Variants in SPEN observed in about 807,000 individuals in gnomAD.
SPEN encodes spen family transcriptional repressor.
SPEN carries 18 observed loss-of-function variants against 269.9 expected under a neutral mutation model. The observed-to-expected ratio is 0.07, with a 90% CI of 0.05 to 0.10. SPEN has a LOEUF of 0.10. Ranked by LOEUF, SPEN falls within the 10% of genes least tolerant of loss-of-function variation. The pLI is 1.00. For missense variants in SPEN, 3,822 were observed against 4,631.2 expected (o/e 0.83, Z 5.07); for synonymous variants, 1,726 against 1,765.7 (o/e 0.98, Z 0.56).
Position 15,936,113 on chromosome 1 carries a change from T to C in SPEN, c.9873T>C (p.His3291=). Residue 3291 remains histidine (H), a synonymous_variant, in exon 11 of 15, where the codon CAT becomes CAC. Coordinates refer to ENST00000375759, the MANE Select transcript of SPEN (RefSeq NM_015001.3). ...LPLTPPVVVT[H]GVQIVHSSGE... ...TGACCCCTCCTGTGGTGGTGACCCA[T>C]GGGGTGCAGATTGTGCACTCCAGCG... 6.2e-7 allele frequency: 1 copy of C among 1,611,400 alleles called. No individual in the cohort carries two copies.
intron 3 of SPEN, among the ~76,000 whole-genome samples, chr1:15,880,629 A>G (rs914432924): frequency 2.0e-5 from 3 of 151,180 alleles, no homozygotes; most frequent in Non-Finnish European, 4.4e-5. Context: ...TAATTTTTGT[A>G]TTTTTTAGTA....
chr1:15,888,308 C>T (rs114189881), intron 3 of SPEN, among the ~76,000 whole-genome samples: 2 of 150,280 alleles, frequency 1.3e-5, no homozygotes, highest in African/African-American at 2.5e-5. Flanking sequence ...ACTATGTAAA[C>T]TCTTTTTTTT....
At chr1:15,853,568 A>C (rs1384642644) in intron 1 of SPEN, among the ~76,000 whole-genome samples, 1 of 151,792 alleles carries the variant, frequency 6.6e-6, no homozygotes, top group Non-Finnish European at 1.5e-5. Flanking sequence ...ATCTCAGCTC[A>C]CTGCAACCTC....
At position 15,939,353 on chromosome 1, in the gene SPEN, C is replaced by T. The variant is rs908404058; in HGVS notation, c.10921C>T (p.Arg3641Cys). 8.1e-6 allele frequency: 13 copies of T among 1,607,104 alleles called. No individual in the cohort carries two copies. Among genetic ancestry groups the T allele is most frequent in the East Asian group, 2.3e-5 (1 of 44,142 alleles). Residue 3641 changes from arginine to cysteine, a missense_variant, in exon 15 of 15, where the codon CGC (arginine) becomes TGC (cysteine). Coordinates refer to ENST00000375759, the MANE Select transcript of SPEN (RefSeq NM_015001.3). The surrounding 1 kb of genome is among the most constrained non-coding windows in gnomAD (Gnocchi z 4.1). ...PCEFSESHLS[R>C]LAPDLLASIS... ...TGAGTTCTCTGAGAGTCACCTGTCC[C>T]GCCTGGCCCCTGACCTCCTTGCCAG... is the stretch of plus-strand genomic sequence containing the variant.
At chr1:15,915,358 A>G (rs2071048376) in intron 5 of SPEN, among the ~76,000 whole-genome samples, 1 of 152,014 alleles carries the variant, frequency 6.6e-6, no homozygotes, top group African/African-American at 2.4e-5. Flanking sequence ...GCATGGTGGC[A>G]TGCACTGGTG....
rs1490101809 is a variant in SPEN at position 15,932,223 on chromosome 1, C to T, written c.5983C>T (p.Pro1995Ser). 2 of 1,612,180 alleles carry T rather than the reference C, an allele frequency of 1.2e-6. No homozygotes were observed. The highest frequency in any genetic ancestry group is 1.7e-5 in the Admixed American group (1 of 59,476). Residue 1995 changes from proline to serine, a missense_variant, in exon 11 of 15, where the codon CCC becomes TCC. By Grantham distance (74) the Pro-to-Ser change is moderately conservative (BLOSUM62 -1). This residue lies in a region of SPEN where 533 missense variants were observed against 618.8 expected (regional missense o/e 0.86). Transcript: ENST00000375759. The surrounding 1 kb of genome is among the most constrained non-coding windows in gnomAD (Gnocchi z 4.2). ...CCAGAAAACTGCAGCTGGTGGTGGA[C>T]CCCAAGGGAAAAAGGGAAAAAATGA... is the stretch of plus-strand genomic sequence containing the variant. ...RSQKTAAGGG[P>S]QGKKGKNEPK...
chr1:15,930,918 A>C lies in SPEN; in HGVS notation c.4678A>C (p.Ile1560Leu), dbSNP rs1011474519. The C allele has an allele frequency of 6.2e-7, 1 of 1,614,126 alleles. No individual in the cohort carries two copies. ...AGATTCTGACTTCATTTCTGGTAGG[A>C]TCTATGGGAAGCAGACATCTGAGGG... ...EEDSDFISGR[I>L]YGKQTSEGAN... The change falls in exon 11 of 15, where the codon ATC becomes CTC. Residue 1560 changes from isoleucine to leucine, a missense_variant. Physicochemically the swap from Ile to Leu is conservative, Grantham distance 5. This residue lies in a region of SPEN where 533 missense variants were observed against 618.8 expected (regional missense o/e 0.86). Coordinates refer to ENST00000375759, the MANE Select transcript of SPEN (RefSeq NM_015001.3). The surrounding 1 kb of genome is among the most constrained non-coding windows in gnomAD (Gnocchi z 5.3).
chr1:15,938,693 C>T, intron 13 of SPEN, 25 bp from the exon 14 acceptor site: 1 of 1,601,586 alleles, frequency 6.2e-7, no homozygotes, highest in Non-Finnish European at 8.5e-7. Context: ...GGCCCCTGCT[C>T]ACTGGCAGCT....
intron 9 of SPEN, among the ~76,000 whole-genome samples, chr1:15,921,528 T>G (rs886352604): frequency 6.6e-6 from 1 of 152,214 alleles, no homozygotes; most frequent in African/African-American, 2.4e-5. Context: ...CAAAGAAGTG[T>G]GCTTCTCAGT....
chr1:15,861,974 C>T (rs1257357632), intron 1 of SPEN, among the ~76,000 whole-genome samples: 3 of 152,022 alleles, frequency 2.0e-5, no homozygotes, highest in East Asian at 1.9e-4. Flanking sequence ...CCTGGGAGGC[C>T]GAGGTTGCAG....
chr1:15,871,560 C>T (rs1446518974), intron 1 of SPEN, among the ~76,000 whole-genome samples: 1 of 152,048 alleles, frequency 6.6e-6, no homozygotes, highest in African/African-American at 2.4e-5. Flanking sequence ...TCCCAAAGTG[C>T]TGGGATTACA....
intron 11 of SPEN, among the ~76,000 whole-genome samples, 177 bp downstream of exon 11, chr1:15,936,443 C>G (rs2071276059): frequency 6.6e-6 from 1 of 151,674 alleles, no homozygotes; most frequent in Non-Finnish European, 1.5e-5. Flanking sequence ...GAGTTCGAGA[C>G]CAGCCTGGGC....
At chr1:15,892,417 T>G (rs2070799409) in intron 3 of SPEN, among the ~76,000 whole-genome samples, 1 of 152,240 alleles carries the variant, frequency 6.6e-6, no homozygotes, top group Non-Finnish European at 1.5e-5. Context: ...GCAAGCTCTA[T>G]TAAGCTGTAA....
In SPEN at chr1:15,928,281, A is replaced by G; in HGVS notation, c.2041A>G (p.Arg681Gly). The G allele has an allele frequency of 6.2e-7, 1 of 1,614,224 alleles. No individual in the cohort carries two copies. The change falls in exon 11 of 15, where the codon AGG (arginine) becomes GGG (glycine). Residue 681 changes from arginine (R) to glycine (G), a missense_variant. By Grantham distance (125) the Arg-to-Gly change is moderately radical (BLOSUM62 -2). This residue lies in a region of SPEN where 572 missense variants were observed against 582.6 expected (regional missense o/e 0.98). Coordinates refer to ENST00000375759, the MANE Select transcript of SPEN (RefSeq NM_015001.3). This position sits in a 1 kb window ranked among gnomAD's most constrained non-coding sequence, Gnocchi z 5.7. ...SRYYDDPREY[R>G]DYRNDPYEQD... ...ATACTACGATGATCCTCGGGAATAC[A>G]GGGATTACAGGAATGATCCTTATGA...
intron 1 of SPEN, among the ~76,000 whole-genome samples, chr1:15,859,358 CTTTTT>C (rs143092339): frequency 2.6e-5 from 3 of 115,602 alleles, no homozygotes; most frequent in South Asian, 2.6e-4. Flanking sequence ...TTTTTCTTTT[CTTTTT>C]TTTTTTTTTT....
chr1:15,899,543 T>TG (rs2070879366), intron 3 of SPEN, among the ~76,000 whole-genome samples: 1 of 147,388 alleles, frequency 6.8e-6, no homozygotes, highest in East Asian at 2.0e-4. Context: ...CAGAGTTTTT[T>TG]TTTTTTTTTT....
intron 9 of SPEN, among the ~76,000 whole-genome samples, chr1:15,921,418 T>C (rs1285791342): frequency 6.6e-6 from 1 of 152,196 alleles, no homozygotes; most frequent in East Asian, 1.9e-4. Flanking sequence ...GCTGTATCAT[T>C]AGTGTTTAAG....
intron 10 of SPEN, among the ~76,000 whole-genome samples, chr1:15,926,205 G>A (rs979494070): frequency 1.3e-5 from 2 of 152,046 alleles, no homozygotes; most frequent in Non-Finnish European, 2.9e-5. Flanking sequence ...AGTTCGGCCT[G>A]GCCAACACAG....
At chr1:15,878,802 G>C (rs562020990) in intron 3 of SPEN, among the ~76,000 whole-genome samples, 2 of 152,194 alleles carry the variant, frequency 1.3e-5, no homozygotes, top group Admixed American at 1.3e-4. Context: ...CTGAGGCAAG[G>C]AGTTCGAGAC....
Sources: allele counts gnomAD v4.1 joint callset (sites outside exome capture counted in the v4.1 genomes callset), GRCh38; gene constraint gnomAD v4.1.1; regional missense constraint gnomAD v4.1.1; non-coding constraint Gnocchi (gnomAD v3.1); transcripts MANE v1.5; gene names NCBI Gene and HGNC (gene_info 2026-07-23, HGNC 2026-07-21).